Variants in GRID2 observed in about 807,000 individuals in gnomAD.
GRID2 encodes the protein glutamate receptor ionotropic, delta-2.
GRID2 carries 33 observed loss-of-function variants against 114.8 expected under a neutral mutation model. That is an observed-to-expected ratio of 0.29 (90% CI 0.22 to 0.38). GRID2 has a LOEUF of 0.38. GRID2 is among the 10% of genes least tolerant of loss of function. The pLI is 1.00. For synonymous variants in GRID2, 505 were observed against 449.9 expected (o/e 1.12, Z -1.55); for missense variants, 1,184 against 1,257.7 (o/e 0.94, Z 0.89).
chr4:92,356,006 G>A lies in GRID2; in HGVS notation c.88+51262G>A, dbSNP rs141432271. On this transcript the variant is annotated intron_variant, in intron 1 of 15. Coordinates refer to ENST00000282020, the MANE Select transcript of GRID2 (RefSeq NM_001510.4). ...AAAAACTAAAATGCTAAATAAAATG[G>A]CATTTCATTCATCCATTCATTCATT... 1.7e-3 allele frequency among the ~76,000 whole-genome samples: 264 copies of A among 151,804 alleles called. 1 individual carries two copies. Among genetic ancestry groups the A allele is most frequent in the African/African-American group, 5.9e-3 (246 of 41,498 alleles).
At chr4:92,512,937 A>G (rs1724328482) in intron 1 of GRID2, among the ~76,000 whole-genome samples, 1 of 151,878 alleles carries the variant, frequency 6.6e-6, no homozygotes, top group Non-Finnish European at 1.5e-5. Context: ...GTTTTAACTT[A>G]CTTTGAATTG....
At chr4:93,619,182 G>A (rs962183260) in intron 13 of GRID2, among the ~76,000 whole-genome samples, 2 of 152,058 alleles carry the variant, frequency 1.3e-5, no homozygotes, top group African/African-American at 4.8e-5. Context: ...CAACAATTAA[G>A]GTAGCAGTAA....
At chr4:93,188,039 T>A (rs1336652838) in intron 4 of GRID2, among the ~76,000 whole-genome samples, 1 of 152,152 alleles carries the variant, frequency 6.6e-6, no homozygotes, top group Non-Finnish European at 1.5e-5. Context: ...TCTCACAGGG[T>A]TTGCGGAATG....
intron 8 of GRID2, among the ~76,000 whole-genome samples, chr4:93,276,463 C>G (rs1013582822): frequency 7.9e-5 from 12 of 151,948 alleles, no homozygotes; most frequent in African/African-American, 2.9e-4. Flanking sequence ...TTATGATCGT[C>G]TGTACGATAA....
intron 1 of GRID2, among the ~76,000 whole-genome samples, chr4:92,503,722 C>T (rs952318258): frequency 1.3e-5 from 2 of 152,078 alleles, no homozygotes; most frequent in Non-Finnish European, 2.9e-5. Flanking sequence ...TCTTATAACG[C>T]TTATAGTTAC....
intron 1 of GRID2, among the ~76,000 whole-genome samples, chr4:92,353,214 TCATA>T (rs1728155950): frequency 6.6e-6 from 1 of 151,856 alleles, no homozygotes; most frequent in Admixed American, 6.6e-5. Context: ...TTTGTTTTGT[TCATA>T]CATAGTTTTC....
chr4:93,419,196 C>T (rs1768024170), intron 9 of GRID2, among the ~76,000 whole-genome samples: 1 of 149,878 alleles, frequency 6.7e-6, no homozygotes, highest in Non-Finnish European at 1.5e-5. Flanking sequence ...TGATTGAGTA[C>T]ATGCCCCACT....
Position 92,539,105 on chromosome 4 carries a change from T to C in GRID2, c.89-51026T>C, listed in dbSNP as rs544775914. ...TTGAGCAAAACTTTAAGGAATGTGA[T>C]TGACATCAATTGAGAAATGTGTTCC... On this transcript the variant is annotated intron_variant, in intron 1 of 15. Transcript: ENST00000282020. 9.3e-5 allele frequency among the ~76,000 whole-genome samples: 14 copies of C among 151,238 alleles called. No individual in the cohort carries two copies. In the East Asian group the frequency reaches 2.5e-3, roughly 27 times the overall value.
intron 7 of GRID2, among the ~76,000 whole-genome samples, chr4:93,235,906 A>G (rs1746731744): frequency 6.6e-6 from 1 of 152,082 alleles, no homozygotes; most frequent in South Asian, 2.1e-4. Flanking sequence ...TAGTGCTCAA[A>G]TGTGTAAACA....
chr4:93,422,515 A>G (rs1768388778), intron 9 of GRID2, among the ~76,000 whole-genome samples: 1 of 152,288 alleles, frequency 6.6e-6, no homozygotes, highest in African/African-American at 2.4e-5. Context: ...AAATAAATTC[A>G]TGGACCCTAA....
At chr4:92,544,785 C>T (rs1726156852) in intron 1 of GRID2, among the ~76,000 whole-genome samples, 1 of 152,064 alleles carries the variant, frequency 6.6e-6, no homozygotes, top group Non-Finnish European at 1.5e-5. Context: ...ATAACACATG[C>T]ATAGTATTTG....
At chr4:93,612,486 A>T (rs1741055885) in intron 13 of GRID2, among the ~76,000 whole-genome samples, 1 of 120,530 alleles carries the variant, frequency 8.3e-6, no homozygotes, top group African/African-American at 3.2e-5. Context: ...TTCCTTCAGG[A>T]GCTCTTTTAG....
intron 1 of GRID2, among the ~76,000 whole-genome samples, chr4:92,383,426 G>A (rs895624760): frequency 3.3e-5 from 5 of 151,966 alleles, no homozygotes; most frequent in Non-Finnish European, 1.5e-5. Flanking sequence ...TAAGACAGAA[G>A]TTGTTAATAC....
chr4:92,790,940 A>G (rs1739558290), intron 2 of GRID2, among the ~76,000 whole-genome samples: 1 of 151,732 alleles, frequency 6.6e-6, no homozygotes, highest in South Asian at 2.1e-4. Context: ...CGTAAGCCTT[A>G]TGTTACCTTC....
At chr4:93,414,284 A>C (rs2149357023) in intron 9 of GRID2, among the ~76,000 whole-genome samples, 1 of 152,272 alleles carries the variant, frequency 6.6e-6, no homozygotes, top group South Asian at 2.1e-4. Flanking sequence ...TGTCAATAGT[A>C]ACTGTCAACT....
intron 13 of GRID2, among the ~76,000 whole-genome samples, chr4:93,547,626 G>T (rs567239579): frequency 6.6e-6 from 1 of 152,264 alleles, no homozygotes; most frequent in East Asian, 1.9e-4. Context: ...ACAAAACACA[G>T]TTATGCATTA....
intron 9 of GRID2, among the ~76,000 whole-genome samples, chr4:93,407,825 TCTCCTCCTC>T (rs141411355): frequency 8.5e-6 from 1 of 117,550 alleles, no homozygotes; most frequent in Admixed American, 8.9e-5. Context: ...TCCTCCTCCT[TCTCCTCCTC>T]CTCCTCCTCC....
chr4:93,097,950 A>G (rs1296150543), intron 3 of GRID2, among the ~76,000 whole-genome samples: 1 of 151,974 alleles, frequency 6.6e-6, no homozygotes, highest in Non-Finnish European at 1.5e-5. Context: ...TGTCTACTGC[A>G]TAAGCACCAC....
chr4:92,934,139 A>C (rs534154479), intron 2 of GRID2, among the ~76,000 whole-genome samples: 3 of 151,950 alleles, frequency 2.0e-5, no homozygotes, highest in South Asian at 4.1e-4. Flanking sequence ...TGCCATTTTC[A>C]TAATATTGAT....
Sources: allele counts gnomAD v4.1 joint callset (sites outside exome capture counted in the v4.1 genomes callset), GRCh38; gene constraint gnomAD v4.1.1; transcripts MANE v1.5; gene names NCBI Gene and HGNC (gene_info 2026-07-23, HGNC 2026-07-21).